ENPP2: variants seen among roughly 807,000 people sequenced by gnomAD.
The protein encoded by ENPP2 is autotaxin.
In ENPP2, 51 loss-of-function variants were observed where a neutral mutation model predicts 120.2. That is an observed-to-expected ratio of 0.42 (90% confidence interval 0.34 to 0.54). The LOEUF is 0.54. ENPP2 is among the 20% of genes least tolerant of loss of function. ENPP2 has a pLI of 0.04. For synonymous variants in ENPP2, 365 were observed against 366.4 expected, an observed-to-expected ratio of 1.00 and a Z score of 0.04; for missense variants, 920 against 1,066.5, an observed-to-expected ratio of 0.86 and a Z score of 1.91.
intron 19 of ENPP2, among the ~76,000 whole-genome samples, chr8:119,574,049 T>C (rs1462967264): frequency 6.6e-6 from 1 of 152,100 alleles, no homozygotes; most frequent in African/African-American, 2.4e-5. Flanking sequence ...TCCTGGAGCT[T>C]AACAGTTTCA....
At chr8:119,602,283 C>T (rs1364753001) in intron 9 of ENPP2, among the ~76,000 whole-genome samples, 4 of 152,012 alleles carry the variant, frequency 2.6e-5, no homozygotes, top group African/African-American at 9.7e-5. Flanking sequence ...CATGGCAAAA[C>T]CCCGTCACTA....
chr8:119,663,110 C>T (rs1287039751), intron 1 of ENPP2, among the ~76,000 whole-genome samples: 2 of 131,290 alleles, frequency 1.5e-5, no homozygotes, highest in Admixed American at 1.6e-4. Flanking sequence ...CAGTGAGAGA[C>T]TCTTGTCTCA....
At chr8:119,570,396 T>C (rs1412795717) in intron 20 of ENPP2, among the ~76,000 whole-genome samples, 2 of 152,002 alleles carry the variant, frequency 1.3e-5, no homozygotes, top group Non-Finnish European at 2.9e-5. Context: ...TCTTAAAATA[T>C]AAAGTCTATT....
intron 1 of ENPP2, among the ~76,000 whole-genome samples, chr8:119,649,875 C>A (rs908610330): frequency 6.6e-6 from 1 of 152,116 alleles, no homozygotes; most frequent in Admixed American, 6.5e-5. Flanking sequence ...CACTAGGATG[C>A]TAAAATTTAA....
chr8:119,650,460 T>A lies in ENPP2; in HGVS notation c.22-11933A>T, dbSNP rs1817595484. Among the ~76,000 whole-genome samples, 4 of 152,090 alleles carry A rather than the reference T, an allele frequency of 2.6e-5. 1 individual carries two copies. The South Asian group carries it at 8.3e-4, about 32-fold the overall frequency. On this transcript the variant is annotated intron_variant, in intron 1 of 25. Transcript: ENST00000427067. Reference sequence around the variant, plus strand: ...CACTGAAATGTACAGTTTAAAAGAGTGAATTGTATAATATATAAATTATAT... The same window carrying A: ...CACTGAAATGTACAGTTTAAAAGAGAGAATTGTATAATATATAAATTATAT...
chr8:119,634,055 C>T (rs1026228131), intron 2 of ENPP2, among the ~76,000 whole-genome samples: 6 of 151,936 alleles, frequency 3.9e-5, no homozygotes, highest in Non-Finnish European at 5.9e-5. Flanking sequence ...CGGTGGTGGG[C>T]GCCTGTAATC....
At position 119,586,187 on chromosome 8, in the gene ENPP2, T is replaced by G. The variant is rs1813097422; in HGVS notation, c.1366A>C (p.Arg456=). The G allele has an allele frequency of 6.2e-7, 1 of 1,613,940 alleles. No homozygotes were observed. Among genetic ancestry groups the G allele is most frequent in the African/African-American group, 1.3e-5 (1 of 75,056 alleles). The part of the protein sequence containing the change: ...LLVERRWHVA[R]KPLDVYKKPS... ...AGAAATAGCCCATATACCAGTTACC[T>G]TGCAACATGCCATCTGCGTTCCACC... Residue 456 remains arginine, a splice_region_variant and synonymous_variant, in exon 15 of 25, where the codon AGG becomes CGG. Coordinates refer to ENST00000075322, the MANE Select transcript of ENPP2 (RefSeq NM_001040092.3).
intron 23 of ENPP2, among the ~76,000 whole-genome samples, chr8:119,564,443 C>A (rs1563667347): frequency 6.6e-6 from 1 of 152,008 alleles, no homozygotes; most frequent in South Asian, 2.1e-4. Context: ...TTTGGGAGGC[C>A]GAGGAGGGTA....
chr8:119,621,307 G>A, intron 4 of ENPP2, 87 bp downstream of exon 4: 1 of 1,151,546 alleles, frequency 8.7e-7, no homozygotes, highest in Non-Finnish European at 1.3e-6. Flanking sequence ...CATATCCAGT[G>A]TGGTCTATTC....
chr8:119,602,198 C>T (rs1046460718), intron 9 of ENPP2, among the ~76,000 whole-genome samples: 6 of 152,096 alleles, frequency 3.9e-5, no homozygotes, highest in Non-Finnish European at 8.8e-5. Flanking sequence ...TGGCTCATGC[C>T]TATAATCCCA....
chr8:119,567,871 C>G (rs925220443), intron 22 of ENPP2, among the ~76,000 whole-genome samples: 1 of 152,168 alleles, frequency 6.6e-6, no homozygotes, highest in Non-Finnish European at 1.5e-5. Context: ...TGGGTTAGTT[C>G]AGTTTCTACC....
chr8:119,656,878 AGT>A (rs1395467954), intron 1 of ENPP2, among the ~76,000 whole-genome samples: 1 of 152,210 alleles, frequency 6.6e-6, no homozygotes, highest in Non-Finnish European at 1.5e-5. Context: ...CTATTAAGGT[AGT>A]TATAGAATTG....
intron 3 of ENPP2, among the ~76,000 whole-genome samples, chr8:119,621,972 A>G (rs534480311): frequency 3.7e-4 from 56 of 151,936 alleles, no homozygotes; most frequent in Admixed American, 2.1e-3. Flanking sequence ...TCTCTTGCCC[A>G]CTCTGGAGTG....
chr8:119,565,113 C>T (rs951412666), intron 22 of ENPP2, among the ~76,000 whole-genome samples, 158 bp from the exon 23 acceptor site: 13 of 152,004 alleles, frequency 8.6e-5, no homozygotes, highest in African/African-American at 3.1e-4. Context: ...TATGGCATTA[C>T]CAGTGTGTGT....
At chr8:119,658,281 G>T (rs941962877) in intron 1 of ENPP2, among the ~76,000 whole-genome samples, 11 of 152,110 alleles carry the variant, frequency 7.2e-5, no homozygotes, top group African/African-American at 2.7e-4. Flanking sequence ...TGTTTTTGTT[G>T]TTCTTTTAGG....
At chr8:119,570,407 A>C (rs1814867673) in intron 20 of ENPP2, among the ~76,000 whole-genome samples, 1 of 152,152 alleles carries the variant, frequency 6.6e-6, no homozygotes, top group Admixed American at 6.6e-5. Context: ...AAAGTCTATT[A>C]AAATAAATAA....
At chr8:119,594,345 CT>C (rs902984253) in intron 11 of ENPP2, among the ~76,000 whole-genome samples, 17 of 152,170 alleles carry the variant, frequency 1.1e-4, no homozygotes, top group African/African-American at 3.9e-4. Context: ...TGAGATCCAT[CT>C]TGTTCTAAGT....
chr8:119,623,045 T>C (rs1324757683), intron 3 of ENPP2, among the ~76,000 whole-genome samples: 1 of 152,194 alleles, frequency 6.6e-6, no homozygotes, highest in Non-Finnish European at 1.5e-5. Context: ...AAAATACATA[T>C]GAACACTTCA....
chr8:119,576,672 A>C (rs1225284454), intron 19 of ENPP2, among the ~76,000 whole-genome samples: 1 of 152,236 alleles, frequency 6.6e-6, no homozygotes, highest in Non-Finnish European at 1.5e-5. Context: ...CTATAGTGCC[A>C]GAATTGCTTG....
Sources: gnomAD v4.1 joint callset for allele counts (sites outside exome capture counted in the v4.1 genomes callset) on GRCh38, gnomAD v4.1.1 for gene constraint, MANE v1.5 for transcripts, NCBI Gene and HGNC (gene_info 2026-07-23, HGNC 2026-07-21) for gene names.